RBFOX2: variants seen among roughly 807,000 people sequenced by gnomAD.
RBFOX2 encodes the protein RNA binding fox-1 homolog 2.
Under a neutral mutation model 49.1 loss-of-function variants are expected in RBFOX2, and 10 were observed. That is an observed-to-expected ratio of 0.20 (90% CI 0.13 to 0.35). The LOEUF (loss-of-function observed/expected upper bound fraction) is 0.35, where lower values mean the gene tolerates loss of function less well. RBFOX2 is among the 10% of genes least tolerant of loss of function. The pLI is 1.00. For synonymous variants in RBFOX2, 183 were observed against 187.4 expected (o/e 0.98, Z 0.19); for missense variants, 323 against 486.9 (o/e 0.66, Z 3.17).
rs936982481 is a variant in RBFOX2 at position 35,924,356 on chromosome 22, A to T, written c.-34+14491T>A. On this transcript the variant is annotated intron_variant, in intron 1 of 13. Coordinates refer to the RBFOX2 transcript ENST00000359369. The stretch of plus-strand genomic sequence containing the variant: ...TTGTGAGAGCACAGGCTAAAGACAC[A>T]CTAAGGGAACAAAGATCCTAATGTA... Among the ~76,000 whole-genome samples, 9 of 152,256 alleles carry T rather than the reference A, an allele frequency of 5.9e-5. No individual in the cohort carries two copies. In the South Asian group the frequency reaches 1.9e-3, roughly 31 times the overall value.
At chr22:35,902,940 G>A (rs2048750498) in intron 1 of RBFOX2, among the ~76,000 whole-genome samples, 1 of 152,016 alleles carries the variant, frequency 6.6e-6, no homozygotes, top group South Asian at 2.1e-4. Context: ...ACAGCCATGA[G>A]CCACTACACA....
chr22:35,817,949 AACACACACACAC>A (rs71322983), intron 1 of RBFOX2, among the ~76,000 whole-genome samples: 1 of 143,466 alleles, frequency 7.0e-6, no homozygotes, highest in Non-Finnish European at 1.5e-5. Context: ...ATCACTTGTC[AACACACACACAC>A]ACACACACAC....
intron 1 of RBFOX2, among the ~76,000 whole-genome samples, chr22:35,918,257 G>T (rs2050646931): frequency 6.6e-6 from 1 of 152,128 alleles, no homozygotes; most frequent in South Asian, 2.1e-4. Context: ...AAATTAAAAA[G>T]ACTTACATCC....
In RBFOX2 at chr22:35,803,178, ACATG is replaced by A. The variant is rs1309519231; in HGVS notation, c.252+6598_252+6601del. Among the ~76,000 whole-genome samples, 14 of 152,016 alleles carry A rather than the reference ACATG, an allele frequency of 9.2e-5. No homozygotes were observed. In the South Asian group the frequency reaches 2.5e-3, roughly 27 times the overall value. On this transcript the variant is annotated intron_variant, in intron 2 of 11. Coordinates refer to ENST00000405409, the Ensembl canonical transcript of RBFOX2. ...CACACACACACACACACACACACAC[ACATG>A]CCCATCACAGAAAAATAAATAACAC...
At chr22:35,903,012 A>T (rs531456098) in intron 1 of RBFOX2, among the ~76,000 whole-genome samples, 24 of 152,094 alleles carry the variant, frequency 1.6e-4, no homozygotes, top group Non-Finnish European at 2.5e-4. Flanking sequence ...GTATCTTCTT[A>T]CCACTAAATC....
chr22:35,919,309 G>A (rs1011670211), intron 1 of RBFOX2, among the ~76,000 whole-genome samples: 3 of 152,200 alleles, frequency 2.0e-5, no homozygotes, highest in Non-Finnish European at 4.4e-5. Flanking sequence ...AGGCTGAGGC[G>A]CGTGGATCAC....
intron 1 of RBFOX2, chr22:35,992,536 A>G (rs923330330): frequency 6.6e-6 from 1 of 152,176 alleles, no homozygotes; most frequent in African/African-American, 2.4e-5. Context: ...ACACCAGAAA[A>G]AAAATGAAAT....
chr22:35,979,307 A>G (rs2057345857), intron 1 of RBFOX2, among the ~76,000 whole-genome samples: 1 of 152,226 alleles, frequency 6.6e-6, no homozygotes, highest in Admixed American at 6.5e-5. Context: ...TAGACAAGAT[A>G]CCGGACCAAA....
In RBFOX2 at chr22:35,864,014, T is replaced by TCA. The variant is rs566145630; in HGVS notation, c.-33-54012_-33-54011dup. On this transcript the variant is annotated intron_variant, in intron 1 of 13. Coordinates refer to the RBFOX2 transcript ENST00000359369. Reference sequence around the variant, plus strand: ...GTAAAAACTTCTTCTGCTTCTCAGATCAGTGTCAGCATTACATGATTTTCA... The same window carrying TCA: ...GTAAAAACTTCTTCTGCTTCTCAGATCACAGTGTCAGCATTACATGATTTTCA... 4.8e-4 allele frequency among the ~76,000 whole-genome samples: 73 copies of TCA among 152,338 alleles called. 1 individual carries two copies. The highest frequency in any genetic ancestry group is 3.3e-3 in the South Asian group (16 of 4,826).
chr22:35,936,391 G>A (rs1004195726), intron 1 of RBFOX2, among the ~76,000 whole-genome samples: 1 of 152,082 alleles, frequency 6.6e-6, no homozygotes, highest in Non-Finnish European at 1.5e-5. Context: ...ACTGTTCAGC[G>A]ACCAGTGTTT....
intron 1 of RBFOX2, among the ~76,000 whole-genome samples, chr22:35,828,766 C>A (rs2148623400): frequency 6.6e-6 from 1 of 152,138 alleles, no homozygotes. Flanking sequence ...AAAACAAGAC[C>A]TGAGGTCGGG....
At chr22:35,841,377 A>G (rs1958730430), upstream of RBFOX2, among the ~76,000 whole-genome samples, 1 of 152,206 alleles carries the variant, frequency 6.6e-6, no homozygotes, top group Admixed American at 6.5e-5. Flanking sequence ...TCTTATTAAA[A>G]TAATATAATT....
intron 2 of RBFOX2, among the ~76,000 whole-genome samples, chr22:35,805,069 C>T (rs12160792): frequency 0.012 from 1,827 of 151,892 alleles, 33 homozygotes; most frequent in African/African-American, 0.042. Context: ...GGGCGGATCA[C>T]GAGGTCAGGA....
At chr22:36,002,411 G>A (rs1026111318) in intron 1 of RBFOX2, among the ~76,000 whole-genome samples, 2 of 152,138 alleles carry the variant, frequency 1.3e-5, no homozygotes, top group Non-Finnish European at 2.9e-5. Context: ...AAAACTTACC[G>A]TGGGATACTA....
chr22:35,859,035 A>G (rs942718338), intron 1 of RBFOX2, among the ~76,000 whole-genome samples: 1 of 152,168 alleles, frequency 6.6e-6, no homozygotes, highest in Non-Finnish European at 1.5e-5. Context: ...GCCTACAAAC[A>G]GCAAAAACTA....
chr22:35,828,778 G>A (rs779442346), intron 1 of RBFOX2, among the ~76,000 whole-genome samples: 11 of 152,160 alleles, frequency 7.2e-5, no homozygotes, highest in Non-Finnish European at 1.5e-4. Context: ...GAGGTCGGGC[G>A]TGGTGGCTCA....
At chr22:35,751,959 C>T (rs1935091401) in intron 9 of RBFOX2, among the ~76,000 whole-genome samples, 1 of 152,158 alleles carries the variant, frequency 6.6e-6, no homozygotes, top group Non-Finnish European at 1.5e-5. Context: ...TTGTGAAAAG[C>T]CATCGACTAT....
upstream of RBFOX2, chr22:35,939,300 GGTTT>G: frequency 6.5e-6 from 3 of 458,686 alleles, no homozygotes; most frequent in South Asian, 1.6e-5. Flanking sequence ...AAAACTTGTT[GGTTT>G]ATTTCCAAAT....
At chr22:36,018,699 C>T (rs1166159104) in intron 1 of RBFOX2, among the ~76,000 whole-genome samples, 1 of 152,172 alleles carries the variant, frequency 6.6e-6, no homozygotes, top group Non-Finnish European at 1.5e-5. Context: ...TTGCAACCTC[C>T]ACCTCCTGGG....
Sources: gnomAD v4.1 joint callset for allele counts (sites outside exome capture counted in the v4.1 genomes callset) on GRCh38, gnomAD v4.1.1 for gene constraint, MANE v1.5 for transcripts, NCBI Gene and HGNC (gene_info 2026-07-23, HGNC 2026-07-21) for gene names.